COL13A1: variants seen among roughly 807,000 people sequenced by gnomAD.
COL13A1 encodes collagen alpha-1(XIII) chain.
In COL13A1, 89 loss-of-function variants were observed where a neutral mutation model predicts 130.9. The ratio of observed to expected loss-of-function variants is 0.68; its 90% CI spans 0.57 to 0.81. COL13A1 has a LOEUF of 0.81. Ranked by LOEUF, COL13A1 falls within the 30% of genes least tolerant of loss-of-function variation. The probability of loss-of-function intolerance (pLI) is 0.00; values close to 1 mark genes in which losing one functional copy is unlikely to be tolerated. For synonymous variants in COL13A1, 402 were observed against 341.6 expected (o/e 1.18, Z -1.95); for missense variants, 879 against 934.6 (o/e 0.94, Z 0.78).
intron 21 of COL13A1, among the ~76,000 whole-genome samples, chr10:69,920,217 G>A (rs1481090162): frequency 6.6e-6 from 1 of 152,196 alleles, no homozygotes; most frequent in Non-Finnish European, 1.5e-5. Flanking sequence ...GACTTGGTGT[G>A]GCACCTTCTG....
At chr10:69,809,211 C>T (rs1334320964) in intron 1 of COL13A1, among the ~76,000 whole-genome samples, 1 of 152,220 alleles carries the variant, frequency 6.6e-6, no homozygotes, top group African/African-American at 2.4e-5. Context: ...TGATGACATC[C>T]TCCTTACAGG....
chr10:69,925,795 G>C lies in COL13A1; in HGVS notation c.1330-9G>C. The C allele has an allele frequency of 6.3e-7, 1 of 1,589,272 alleles. No individual in the cohort carries two copies. The highest frequency in any genetic ancestry group is 8.6e-7 in the Non-Finnish European group (1 of 1,167,592). On this transcript the variant is annotated splice_polypyrimidine_tract_variant and intron_variant, in intron 25 of 40. Transcript: ENST00000645393. ...CAGGCCGTGGGTTGAGATCTCATTT[G>C]CCTTCCAGGGCTCCAAGGGAGAACC... is the stretch of plus-strand genomic sequence containing the variant.
intron 17 of COL13A1, among the ~76,000 whole-genome samples, chr10:69,909,377 A>C (rs2063125162): frequency 6.6e-6 from 1 of 152,124 alleles, no homozygotes; most frequent in African/African-American, 2.4e-5. Context: ...TGAGGCCATC[A>C]TGCCCCATCA....
chr10:69,877,156 C>G (rs2059648912), intron 5 of COL13A1: 1 of 152,250 alleles, frequency 6.6e-6, no homozygotes, highest in Middle Eastern at 3.1e-3. Flanking sequence ...GCATGAGCCA[C>G]CTGATAAGCA....
At chr10:69,910,546 C>T (rs926947661) in intron 17 of COL13A1, among the ~76,000 whole-genome samples, 2 of 152,194 alleles carry the variant, frequency 1.3e-5, no homozygotes, top group South Asian at 2.1e-4. Flanking sequence ...CCAGCCAGAC[C>T]CGCAAGGCAG....
At chr10:69,825,963 G>A (rs1323252135) in intron 2 of COL13A1, among the ~76,000 whole-genome samples, 2 of 152,190 alleles carry the variant, frequency 1.3e-5, no homozygotes, top group African/African-American at 4.8e-5. Flanking sequence ...TCAACCCTCA[G>A]TTAGGAGGGT....
intron 2 of COL13A1, among the ~76,000 whole-genome samples, chr10:69,850,280 G>T (rs1854379705): frequency 6.7e-6 from 1 of 150,162 alleles, no homozygotes; most frequent in Non-Finnish European, 1.5e-5. Context: ...CAGGGCAAAA[G>T]GCAGATTCTG....
intron 15 of COL13A1, 34 bp downstream of exon 15, chr10:69,902,889 A>G (rs2135137937): frequency 6.8e-7 from 1 of 1,461,768 alleles, no homozygotes. Context: ...TTCAAGACTT[A>G]TCCCAAGAAC....
intron 38 of COL13A1, among the ~76,000 whole-genome samples, chr10:69,948,961 C>T (rs547526319): frequency 1.3e-5 from 2 of 152,304 alleles, no homozygotes; most frequent in East Asian, 3.9e-4. Context: ...TCCTCCATCC[C>T]CTTTACAAAT....
At chr10:69,833,847 C>T (rs529459335) in intron 2 of COL13A1, among the ~76,000 whole-genome samples, 10 of 152,084 alleles carry the variant, frequency 6.6e-5, no homozygotes, top group South Asian at 2.1e-4. Flanking sequence ...GTAGGAGGTA[C>T]GGCTGGAAAG....
intron 2 of COL13A1, among the ~76,000 whole-genome samples, chr10:69,840,139 T>C (rs1258401605): frequency 6.6e-6 from 1 of 151,914 alleles, no homozygotes; most frequent in African/African-American, 2.4e-5. Context: ...GGGTGAGAGA[T>C]GGAGAGAAAC....
intron 20 of COL13A1, 66 bp downstream of exon 20, chr10:69,919,154 C>T (rs1364727531): frequency 8.1e-6 from 13 of 1,602,510 alleles, no homozygotes; most frequent in Admixed American, 1.7e-5. Context: ...GTGGGAGGGG[C>T]TGCTGCTGTT....
At chr10:69,852,785 G>A (rs947571852) in intron 2 of COL13A1, among the ~76,000 whole-genome samples, 6 of 152,376 alleles carry the variant, frequency 3.9e-5, no homozygotes, top group Non-Finnish European at 5.9e-5. Context: ...GAGAGGAATG[G>A]ACCTCGCTGG....
chr10:69,873,865 A>T (rs2059329955), intron 4 of COL13A1, among the ~76,000 whole-genome samples: 1 of 152,208 alleles, frequency 6.6e-6, no homozygotes, highest in African/African-American at 2.4e-5. Context: ...AAACATGCTG[A>T]TGAAATTCAC....
chr10:69,841,201 A>T (rs1361226182), intron 2 of COL13A1, among the ~76,000 whole-genome samples: 1 of 150,800 alleles, frequency 6.6e-6, no homozygotes, highest in Non-Finnish European at 1.5e-5. Flanking sequence ...TTGCCTGTTA[A>T]CTCTCCCTTA....
intron 31 of COL13A1, among the ~76,000 whole-genome samples, chr10:69,932,807 G>T (rs2066297392): frequency 6.6e-6 from 1 of 152,118 alleles, no homozygotes; most frequent in African/African-American, 2.4e-5. Context: ...CACCTCCCAT[G>T]CTTCCATCCT....
chr10:69,809,801 C>A (rs768490320), intron 1 of COL13A1, among the ~76,000 whole-genome samples: 7 of 152,232 alleles, frequency 4.6e-5, no homozygotes, highest in Non-Finnish European at 1.0e-4. Context: ...CTAATTACAT[C>A]AGGCCTTGGT....
intron 4 of COL13A1, 25 bp from the exon 5 acceptor site, chr10:69,875,103 C>T: frequency 6.2e-7 from 1 of 1,614,006 alleles, no homozygotes; most frequent in Non-Finnish European, 8.5e-7. Flanking sequence ...CCACATCTGA[C>T]TGTTTCTGCC....
intron 35 of COL13A1, among the ~76,000 whole-genome samples, chr10:69,943,584 C>T (rs940999631): frequency 5.9e-5 from 9 of 152,158 alleles, no homozygotes; most frequent in African/African-American, 2.2e-4. Context: ...CAGCCAGTTC[C>T]GCAGGCCTGT....
Sources: allele counts gnomAD v4.1 joint callset (sites outside exome capture counted in the v4.1 genomes callset), GRCh38; gene constraint gnomAD v4.1.1; transcripts MANE v1.5; gene names NCBI Gene and HGNC (gene_info 2026-07-23, HGNC 2026-07-21).